Variants in PDK3 observed in about 807,000 individuals in gnomAD.
The protein encoded by PDK3 is pyruvate dehydrogenase kinase, isozyme 3.
Under a neutral mutation model 32.0 loss-of-function variants are expected in PDK3, and 12 were observed. The observed-to-expected ratio is 0.37, with a 90% confidence interval of 0.24 to 0.61. The LOEUF (loss-of-function observed/expected upper bound fraction) is 0.61, where lower values mean the gene tolerates loss of function less well. Ranked by LOEUF, PDK3 falls within the 20% of genes least tolerant of loss-of-function variation. The probability of loss-of-function intolerance (pLI) is 0.65; values close to 1 mark genes in which losing one functional copy is unlikely to be tolerated. For missense variants in PDK3, 188 were observed against 316.9 expected, an observed-to-expected ratio of 0.59 and a Z score of 3.09; for synonymous variants, 122 against 116.3, an observed-to-expected ratio of 1.05 and a Z score of -0.31.
chrX:24,473,593 C>T (rs1227733461), intron 1 of PDK3, among the ~76,000 whole-genome samples: 1 of 108,138 alleles, frequency 9.2e-6, no homozygotes, highest in Non-Finnish European at 1.9e-5. Context: ...TCTGCCACCA[C>T]GCCTGGCTTA....
chrX:24,505,101 T>G, intron 4 of PDK3, 108 bp from the exon 5 acceptor site: 1 of 487,943 alleles, frequency 2.0e-6, no homozygotes, highest in Non-Finnish European at 3.4e-6. Context: ...CTAAAATGAT[T>G]TTTACACATA....
Position 24,498,862 on chromosome X carries a change from T to C in PDK3, c.282T>C (p.Tyr94=), listed in dbSNP as rs201198782. The C allele has an allele frequency of 7.4e-5, 85 of 1,152,887 alleles. No homozygotes were observed. The highest frequency in any genetic ancestry group is 1.9e-5 in the African/African-American group (1 of 53,979). The change falls in exon 3 of 11, where the codon TAT becomes TAC. Residue 94 remains tyrosine, a synonymous_variant. Transcript: ENST00000379162. The part of the protein sequence containing the change: ...YMQSFLELLE[Y]ENKSPEDPQV... ...AGAGTTTTCTTGAACTTTTAGAATA[T>C]GAAAATAAGAGCCCTGAGGATCCAC...
At chrX:24,517,350 C>T (rs1304313358) in intron 5 of PDK3, among the ~76,000 whole-genome samples, 1 of 110,203 alleles carries the variant, frequency 9.1e-6, no homozygotes, top group Non-Finnish European at 1.9e-5. Context: ...AGCCTCCCAA[C>T]TAGCTGGGAT....
At chrX:24,495,700 G>A (rs979829342) in intron 2 of PDK3, among the ~76,000 whole-genome samples, 21 of 112,458 alleles carry the variant, frequency 1.9e-4, no homozygotes, top group African/African-American at 6.8e-4. Flanking sequence ...GAGACTCTCT[G>A]ATGGTCGTTC....
intron 2 of PDK3, among the ~76,000 whole-genome samples, chrX:24,495,707 G>A (rs1307832139): frequency 2.7e-5 from 3 of 112,366 alleles, no homozygotes; most frequent in African/African-American, 6.5e-5. Flanking sequence ...TCTGATGGTC[G>A]TTCAAGGGTT....
intron 1 of PDK3, among the ~76,000 whole-genome samples, 197 bp from the exon 2 acceptor site, chrX:24,494,545 G>T (rs938456888): frequency 8.9e-6 from 1 of 112,151 alleles, no homozygotes; most frequent in Non-Finnish European, 1.9e-5. Context: ...GTTGCCTCTT[G>T]TAATGAATGT....
downstream of PDK3, among the ~76,000 whole-genome samples, chrX:24,537,877 A>G (rs1922814125): frequency 1.8e-5 from 2 of 112,504 alleles, no homozygotes; most frequent in Non-Finnish European, 3.7e-5. Flanking sequence ...GATGAAGTTT[A>G]GAGAAGTTTG....
intron 8 of PDK3, 24 bp from the exon 9 acceptor site, chrX:24,528,052 T>C: frequency 1.1e-6 from 1 of 912,534 alleles, no homozygotes; most frequent in Non-Finnish European, 1.6e-6. Context: ...TTTGTTTTGA[T>C]TGTTAACATT....
At chrX:24,541,514 G>A (rs1391949020) in exon 12 of PDK3, among the ~76,000 whole-genome samples, 2 of 112,105 alleles carry the variant, frequency 1.8e-5, no homozygotes, top group African/African-American at 6.5e-5. Context: ...GTGTCTTCAT[G>A]ACTTAATCGG....
chrX:24,518,590 G>A (rs896818654), intron 5 of PDK3, among the ~76,000 whole-genome samples: 36 of 112,147 alleles, frequency 3.2e-4, no homozygotes, highest in Non-Finnish European at 4.7e-4. Flanking sequence ...AGGCTGAGGC[G>A]GGAGGACTGC....
At chrX:24,521,203 C>T (rs1162165264) in intron 6 of PDK3, among the ~76,000 whole-genome samples, 2 of 101,670 alleles carry the variant, frequency 2.0e-5, no homozygotes, top group African/African-American at 7.4e-5. Flanking sequence ...CGCTTGAGCC[C>T]AGGAGGTAGA....
At chrX:24,465,766 GAC>G (rs1193373622) in intron 1 of PDK3, among the ~76,000 whole-genome samples, 1 of 111,957 alleles carries the variant, frequency 8.9e-6, no homozygotes, top group African/African-American at 3.2e-5. Context: ...CTTACCCGGA[GAC>G]ACAGAAACGG....
chrX:24,508,627 A>G (rs931357641), intron 5 of PDK3, among the ~76,000 whole-genome samples: 1 of 111,337 alleles, frequency 9.0e-6, no homozygotes, highest in East Asian at 2.8e-4. Flanking sequence ...CTTAATGTGA[A>G]CAGAATCGAT....
chrX:24,465,653 G>A, intron 1 of PDK3, 92 bp downstream of exon 1: 2 of 660,936 alleles, frequency 3.0e-6, no homozygotes, highest in Admixed American at 3.0e-5. Flanking sequence ...TAAAGTCTGT[G>A]GGAACCGCAG....
At chrX:24,514,296 A>T (rs1286117143) in intron 5 of PDK3, among the ~76,000 whole-genome samples, 1 of 112,140 alleles carries the variant, frequency 8.9e-6, no homozygotes, top group Non-Finnish European at 1.9e-5. Flanking sequence ...TAGATATTTT[A>T]ACCTGGGGAA....
At chrX:24,511,873 A>G (rs946575032) in intron 5 of PDK3, among the ~76,000 whole-genome samples, 11 of 110,120 alleles carry the variant, frequency 1.0e-4, no homozygotes, top group Admixed American at 2.9e-4. Context: ...AACCACACAA[A>G]CAACAACAAC....
At chrX:24,476,343 A>G (rs1189263840) in intron 1 of PDK3, among the ~76,000 whole-genome samples, 1 of 112,306 alleles carries the variant, frequency 8.9e-6, no homozygotes, top group Non-Finnish European at 1.9e-5. Flanking sequence ...CTCACCTTGA[A>G]CACTATGTTG....
At chrX:24,467,719 C>T (rs1312402417) in intron 1 of PDK3, among the ~76,000 whole-genome samples, 1 of 111,819 alleles carries the variant, frequency 8.9e-6, no homozygotes, top group Non-Finnish European at 1.9e-5. Context: ...TTGGAGAATT[C>T]AGAATGGGTG....
chrX:24,496,572 T>TTTTTTTTTTTTTTTTTTTTTTTG (rs1921711239), intron 2 of PDK3, among the ~76,000 whole-genome samples: 1 of 84,883 alleles, frequency 1.2e-5, no homozygotes, highest in Non-Finnish European at 2.3e-5. Flanking sequence ...CCCCATCTTT[T>TTTTTTTTTTTTTTTTTTTTTTTG]TTTTTTTTTT....
Sources: gnomAD v4.1 joint callset for allele counts (sites outside exome capture counted in the v4.1 genomes callset) on GRCh38, gnomAD v4.1.1 for gene constraint, MANE v1.5 for transcripts, NCBI Gene and HGNC (gene_info 2026-07-23, HGNC 2026-07-21) for gene names.